Variants in EVC2 observed in about 807,000 individuals in gnomAD.
The protein encoded by EVC2 is limbin.
In EVC2, 148 loss-of-function variants were observed where a neutral mutation model predicts 149.3. That is an observed-to-expected ratio of 0.99 (90% CI 0.87 to 1.14). The LOEUF is 1.14. EVC2 is among the 50% of genes most tolerant of loss of function. The pLI is 0.00. For missense variants in EVC2, 1,854 were observed against 1,627.3 expected, an observed-to-expected ratio of 1.14 and a Z score of -2.40; for synonymous variants, 776 against 649.9, an observed-to-expected ratio of 1.19 and a Z score of -2.95.
At chr4:5,649,001 C>T (rs750212551) in intron 9 of EVC2, among the ~76,000 whole-genome samples, 1 of 152,174 alleles carries the variant, frequency 6.6e-6, no homozygotes, top group East Asian at 1.9e-4. Flanking sequence ...TTTCATTGCC[C>T]TCTATGGCAT....
At chr4:5,548,667 C>A (rs1006780947) in intron 21 of EVC2, among the ~76,000 whole-genome samples, 1 of 151,834 alleles carries the variant, frequency 6.6e-6, no homozygotes, top group Admixed American at 6.6e-5. Context: ...TTTTAGATAC[C>A]CCTAAGCCAG....
At position 5,648,927 on chromosome 4, in the gene EVC2, G is replaced by T. The variant is rs150271504; in HGVS notation, c.1146-8089C>A. 8.2e-3 allele frequency among the ~76,000 whole-genome samples: 1,243 copies of T among 152,286 alleles called. 10 individuals carry two copies. Among genetic ancestry groups the T allele is most frequent in the Middle Eastern group, 0.031 (9 of 294 alleles). On this transcript the variant is annotated intron_variant, in intron 9 of 21. Coordinates refer to ENST00000344408, the MANE Select transcript of EVC2 (RefSeq NM_147127.5). ...AATTTCCCAAAGGGCTGCAAGAGAG[G>T]AAAACAAATACTAAGAATTCTTCAT...
At chr4:5,635,898 C>T (rs189000151) in intron 10 of EVC2, among the ~76,000 whole-genome samples, 4 of 152,280 alleles carry the variant, frequency 2.6e-5, no homozygotes, top group African/African-American at 7.2e-5. Context: ...AGCTGGATTG[C>T]CAGTCACTTC....
At chr4:5,566,044 G>A (rs539582795) in intron 20 of EVC2, among the ~76,000 whole-genome samples, 6 of 152,370 alleles carry the variant, frequency 3.9e-5, no homozygotes, top group African/African-American at 1.2e-4. Context: ...CCTCCACGTA[G>A]CCCTAGTACC....
chr4:5,682,168 T>C (rs988435947), intron 6 of EVC2, among the ~76,000 whole-genome samples: 1 of 152,000 alleles, frequency 6.6e-6, no homozygotes, highest in African/African-American at 2.4e-5. Flanking sequence ...TAGGTAGTAG[T>C]AGTAACATTA....
At position 5,640,594 on chromosome 4, in the gene EVC2, T is replaced by C. The variant is rs1352465948; in HGVS notation, c.1390A>G (p.Lys464Glu). Residue 464 changes from lysine to glutamate, a missense_variant, in exon 10 of 22, where the codon AAG becomes GAG. Coordinates refer to ENST00000344408, the MANE Select transcript of EVC2 (RefSeq NM_147127.5). This position sits in a 1 kb window ranked among gnomAD's most constrained non-coding sequence, Gnocchi z 4.6. ...CTCTGGTACTGGTTTTCCATCTTCT[T>C]TCTTGTTTCCAGGTCACATTCAGCT... Reference protein sequence around the residue: ...LTAECDLETRKKMENQYQREM... With the variant: ...LTAECDLETREKMENQYQREM... 1 of 1,614,166 alleles carries C rather than the reference T, an allele frequency of 6.2e-7. No individual in the cohort carries two copies.
rs554905450 is a variant in EVC2, at chr4:5,608,698, T to C, written c.2829+6724A>G. Among the ~76,000 whole-genome samples, 437 of 152,230 alleles carry C rather than the reference T, an allele frequency of 2.9e-3. 1 individual carries two copies. The highest frequency in any genetic ancestry group is 1.0e-2 in the African/African-American group (415 of 41,536). ...ACAAGTGTGCACCACCACACCCAGC[T>C]AATTTTTTTGTATTTTTAGTAGAGA... On this transcript the variant is annotated intron_variant, in intron 16 of 21. Transcript: ENST00000344408.
chr4:5,673,658 C>G (rs1204233345), intron 7 of EVC2, among the ~76,000 whole-genome samples: 4 of 152,174 alleles, frequency 2.6e-5, no homozygotes, highest in Non-Finnish European at 5.9e-5. Context: ...GGAGCAGATG[C>G]CTTTGATGCA....
chr4:5,665,223 C>A (rs1719186071), intron 8 of EVC2, among the ~76,000 whole-genome samples: 1 of 152,082 alleles, frequency 6.6e-6, no homozygotes, highest in Non-Finnish European at 1.5e-5. Flanking sequence ...AGCAGGAGGA[C>A]TGCTTAAGCC....
chr4:5,703,420 C>T lies in EVC2; in HGVS notation c.228+4866G>A, dbSNP rs187990312. Among the ~76,000 whole-genome samples, 9 of 152,290 alleles carry T rather than the reference C, an allele frequency of 5.9e-5. 1 individual carries two copies. The South Asian group carries it at 1.7e-3, about 28-fold the overall frequency. ...AGAGACTCAGGCACGTTGAGTGCTA[C>T]ATCCCCAGGAGCTGCACAGAAGCAT... On this transcript the variant is annotated intron_variant, in intron 1 of 21. Transcript: ENST00000344408.
intron 19 of EVC2, among the ~76,000 whole-genome samples, chr4:5,570,039 A>C (rs1000012241): frequency 1.3e-5 from 2 of 152,082 alleles, no homozygotes; most frequent in Non-Finnish European, 2.9e-5. Flanking sequence ...TGGACTCTAC[A>C]TGAGTCTTCC....
At chr4:5,706,401 G>GATAGATAGATAC (rs1722177044) in intron 1 of EVC2, among the ~76,000 whole-genome samples, 77 of 45,524 alleles carry the variant, frequency 1.7e-3, no homozygotes, top group African/African-American at 2.3e-3. Flanking sequence ...TACATAGATA[G>GATAGATAGATAC]ATAGATAGAT....
chr4:5,608,099 T>C (rs932052821), intron 16 of EVC2, among the ~76,000 whole-genome samples: 1 of 152,126 alleles, frequency 6.6e-6, no homozygotes, highest in Non-Finnish European at 1.5e-5. Context: ...TGCGGACAAT[T>C]TTCCCAATGC....
the EVC2 span, among the ~76,000 whole-genome samples, chr4:5,531,185 C>T: frequency 1.7e-4 from 26 of 152,270 alleles, no homozygotes; most frequent in East Asian, 4.8e-3. Flanking sequence ...GCACCAGTGA[C>T]AAGCGAACTG....
At chr4:5,545,806 C>T (rs1721605492) in intron 21 of EVC2, among the ~76,000 whole-genome samples, 1 of 152,080 alleles carries the variant, frequency 6.6e-6, no homozygotes, top group Non-Finnish European at 1.5e-5. Flanking sequence ...AAATAAAAAT[C>T]CATTTTCTAG....
downstream of EVC2, among the ~76,000 whole-genome samples, chr4:5,558,913 C>T (rs1044210426): frequency 1.3e-5 from 2 of 152,120 alleles, no homozygotes; most frequent in Non-Finnish European, 2.9e-5. Context: ...AGGAGAAGGG[C>T]CAGGTGTGGT....
At chr4:5,623,832 A>C (rs1715914229) in intron 13 of EVC2, among the ~76,000 whole-genome samples, 2 of 152,112 alleles carry the variant, frequency 1.3e-5, no homozygotes, top group African/African-American at 4.8e-5. Flanking sequence ...CTATCTGTAA[A>C]ATGGGGATAA....
intron 9 of EVC2, among the ~76,000 whole-genome samples, chr4:5,653,138 CTT>C (rs911911151): frequency 6.6e-6 from 1 of 152,176 alleles, no homozygotes; most frequent in African/African-American, 2.4e-5. Context: ...AGATTTCCCT[CTT>C]CTTATGAATA....
chr4:5,631,960 CG>C lies in EVC2; in HGVS notation c.1542del (p.Ala515LeufsTer31). ...GCAAAGTCTTCTTCTTGTTGCAAAGCGAGAGACTTCCTCAAGTGCTCCTGTT... is the reference window on the plus strand; with the variant it reads ...GCAAAGTCTTCTTCTTGTTGCAAAGCAGAGACTTCCTCAAGTGCTCCTGTT... ...GLEQEHLRKS[L>X]ALQQEEDFAK... On this transcript the variant is annotated frameshift_variant, in exon 11 of 22. Coordinates refer to ENST00000344408, the MANE Select transcript of EVC2 (RefSeq NM_147127.5). LOFTEE classifies it high-confidence loss of function. The C allele has an allele frequency of 6.2e-7, 1 of 1,614,198 alleles. No homozygotes were observed. Among genetic ancestry groups the C allele is most frequent in the South Asian group, 1.1e-5 (1 of 91,082 alleles).
Sources: allele counts gnomAD v4.1 joint callset (sites outside exome capture counted in the v4.1 genomes callset), GRCh38; gene constraint gnomAD v4.1.1; non-coding constraint Gnocchi (gnomAD v3.1); transcripts MANE v1.5; gene names NCBI Gene and HGNC (gene_info 2026-07-23, HGNC 2026-07-21).